ROS1: variants seen among roughly 807,000 people sequenced by gnomAD.
ROS1 encodes ROS proto-oncogene 1, receptor tyrosine kinase.
In ROS1, 263 loss-of-function variants were observed where a neutral mutation model predicts 273.5. That is an observed-to-expected ratio of 0.96 (90% confidence interval 0.87 to 1.06). The LOEUF is 1.06. Ranked by LOEUF, ROS1 falls within the 50% of genes least tolerant of loss-of-function variation. ROS1 has a pLI of 0.00. For missense variants in ROS1, 2,833 were observed against 2,751.1 expected, an observed-to-expected ratio of 1.03 and a Z score of -0.67; for synonymous variants, 1,008 against 954.1, an observed-to-expected ratio of 1.06 and a Z score of -1.04.
At position 117,404,360 on chromosome 6, in the gene ROS1, T is replaced by G. The variant is rs1177498366; in HGVS notation, c.385A>C (p.Lys129Gln). The G allele has an allele frequency of 6.2e-7, 1 of 1,614,068 alleles. No individual in the cohort carries two copies. The highest frequency in any genetic ancestry group is 8.5e-7 in the Non-Finnish European group (1 of 1,179,926). ...IGSHNMTLRW[K>Q]SANFSGVKYI... ...TTTACTCCAGAGAAGTTTGCAGATT[T>G]CCATCGTAATGTCATATTGTGGCTT... The change falls in exon 6 of 44, where the codon AAA becomes CAA. Residue 129 changes from lysine to glutamine, a missense_variant. By Grantham distance (53) the Lys-to-Gln change is moderately conservative. Transcript: ENST00000368507.
intron 42 of ROS1, 47 bp downstream of exon 42, chr6:117,308,747 C>T (rs201728488): frequency 4.6e-5 from 73 of 1,590,924 alleles, no homozygotes; most frequent in Non-Finnish European, 6.2e-5. Flanking sequence ...ATTGTATGTG[C>T]ACATGTTTTT....
intron 42 of ROS1, among the ~76,000 whole-genome samples, chr6:117,305,439 C>A (rs971824771): frequency 6.6e-6 from 1 of 152,154 alleles, no homozygotes; most frequent in Non-Finnish European, 1.5e-5. Flanking sequence ...ATAAAATCCA[C>A]TTAAGCAGAA....
chr6:117,422,528 T>C (rs1775834745), intron 1 of ROS1, among the ~76,000 whole-genome samples: 1 of 152,170 alleles, frequency 6.6e-6, no homozygotes, highest in African/African-American at 2.4e-5. Flanking sequence ...AATTTGTAAA[T>C]ATTTTATAAA....
intron 34 of ROS1, 55 bp from the exon 35 acceptor site, chr6:117,324,470 C>A (rs2128575417): frequency 1.2e-6 from 1 of 815,404 alleles, no homozygotes; most frequent in South Asian, 1.6e-5. Context: ...CTAAGTTGCC[C>A]CAGCTCTACC....
intron 38 of ROS1, among the ~76,000 whole-genome samples, chr6:117,317,581 T>C (rs1488372427): frequency 1.3e-5 from 2 of 152,120 alleles, no homozygotes; most frequent in East Asian, 1.9e-4. Flanking sequence ...TTTAAAAACA[T>C]TGGGTTTTGG....
chr6:117,311,211 A>C, intron 39 of ROS1, 94 bp from the exon 40 acceptor site: 1 of 594,694 alleles, frequency 1.7e-6, no homozygotes, highest in South Asian at 2.6e-5. Flanking sequence ...ATGTATATGC[A>C]TATGCATGTA....
At chr6:117,360,851 T>C (rs1332165484) in intron 22 of ROS1, among the ~76,000 whole-genome samples, 3 of 152,092 alleles carry the variant, frequency 2.0e-5, no homozygotes, top group Non-Finnish European at 4.4e-5. Flanking sequence ...CATAGAACAT[T>C]TAACAGAAAT....
intron 1 of ROS1, among the ~76,000 whole-genome samples, chr6:117,421,552 T>A (rs1775759990): frequency 6.6e-6 from 1 of 152,172 alleles, no homozygotes; most frequent in Non-Finnish European, 1.5e-5. Flanking sequence ...CTCCATAGAA[T>A]AATGGCCTCC....
intron 7 of ROS1, among the ~76,000 whole-genome samples, chr6:117,401,452 C>T (rs1416561551): frequency 1.3e-5 from 2 of 152,170 alleles, no homozygotes; most frequent in African/African-American, 4.8e-5. Context: ...ACTTTAAAAT[C>T]TATCATCATA....
At chr6:117,393,895 T>C (rs1773277358) in intron 11 of ROS1, among the ~76,000 whole-genome samples, 1 of 152,142 alleles carries the variant, frequency 6.6e-6, no homozygotes, top group Non-Finnish European at 1.5e-5. Context: ...CACTATCTTA[T>C]AGAAGATGAA....
Position 117,403,133 on chromosome 6 carries a change from C to G in ROS1, c.604+6G>C, listed in dbSNP as rs759593741. 5.0e-6 allele frequency: 8 copies of G among 1,613,636 alleles called. No homozygotes were observed. The East Asian group carries it at 1.8e-4, about 36-fold the overall frequency. On this transcript the variant is annotated splice_donor_region_variant and intron_variant, in intron 7 of 43. Transcript: ENST00000368507. ...TCCTTTCATAAGAAATGTGTGCACA[C>G]CATACCTCCATGAGGATGAGTCCTG...
At position 117,341,600 on chromosome 6, in the gene ROS1, C is replaced by T. The variant is rs2128622769; in HGVS notation, c.4684G>A (p.Val1562Met). The T allele has an allele frequency of 1.9e-6, 3 of 1,613,520 alleles. No homozygotes were observed. Among genetic ancestry groups the T allele is most frequent in the Non-Finnish European group, 2.5e-6 (3 of 1,179,614 alleles). The change falls in exon 30 of 44, where the codon GTG becomes ATG. Residue 1562 changes from valine (V) to methionine (M), a missense_variant. Coordinates refer to ENST00000368507, the MANE Select transcript of ROS1 (RefSeq NM_001378902.1). ...PEAVQLINTT[V>M]RSDTSLIISW... ...ATAATGAGGCTGGTGTCTGACCGCACAGTTGTATTAATGAGCTGCACTGCC... is the reference window on the plus strand; with the variant it reads ...ATAATGAGGCTGGTGTCTGACCGCATAGTTGTATTAATGAGCTGCACTGCC...
chr6:117,338,809 C>G (rs1777675171), intron 31 of ROS1, among the ~76,000 whole-genome samples: 1 of 152,008 alleles, frequency 6.6e-6, no homozygotes, highest in Non-Finnish European at 1.5e-5. Context: ...TCAGGACTTT[C>G]CATTTGTCAG....
intron 18 of ROS1, among the ~76,000 whole-genome samples, chr6:117,366,533 A>T (rs1780260897): frequency 6.6e-6 from 1 of 152,130 alleles, no homozygotes; most frequent in Non-Finnish European, 1.5e-5. Context: ...TGTTTCTTTG[A>T]GATGGAGTCT....
chr6:117,411,199 A>T (rs3798394), intron 4 of ROS1, among the ~76,000 whole-genome samples: 80,211 of 150,062 alleles, frequency 0.53, 22,169 homozygotes, highest in South Asian at 0.68. Context: ...CAAAGCTAAC[A>T]ACTACGTTTC....
intron 35 of ROS1, 39 bp from the exon 36 acceptor site, chr6:117,321,433 A>G: frequency 6.5e-7 from 1 of 1,536,200 alleles, no homozygotes; most frequent in Non-Finnish European, 8.8e-7. Flanking sequence ...AAAATAAAAT[A>G]TTGCTTCTTT....
At position 117,393,237 on chromosome 6, in the gene ROS1, C is replaced by T. The variant is rs2128710632; in HGVS notation, c.1276G>A (p.Asp426Asn). Residue 426 changes from aspartate (D) to asparagine (N), a missense_variant, in exon 12 of 44, where the codon GAT becomes AAT. Physicochemically the swap from Asp to Asn is conservative, Grantham distance 23. Transcript: ENST00000368507. ...SISAPQKIVA[D>N]SYNGYVFYLL... ...GCTAACACATACCCATTGTATGAAT[C>T]AGCCACAATTTTTTGAGGTGCACTA... is the stretch of plus-strand genomic sequence containing the variant. 6.3e-7 allele frequency: 1 copy of T among 1,594,780 alleles called. No homozygotes were observed. Among genetic ancestry groups the T allele is most frequent in the African/African-American group, 1.3e-5 (1 of 74,628 alleles).
chr6:117,400,781 T>C (rs1310216453), intron 7 of ROS1, among the ~76,000 whole-genome samples: 1 of 152,212 alleles, frequency 6.6e-6, no homozygotes, highest in Non-Finnish European at 1.5e-5. Flanking sequence ...TCTCCTTTTT[T>C]CAACCACATT....
chr6:117,350,652 C>T (rs923806352), intron 27 of ROS1, among the ~76,000 whole-genome samples: 5 of 150,726 alleles, frequency 3.3e-5, no homozygotes, highest in African/African-American at 1.2e-4. Flanking sequence ...TGTAGTTTCC[C>T]CACAGTTCTT....
Sources: allele counts gnomAD v4.1 joint callset (sites outside exome capture counted in the v4.1 genomes callset), GRCh38; gene constraint gnomAD v4.1.1; transcripts MANE v1.5; gene names NCBI Gene and HGNC (gene_info 2026-07-23, HGNC 2026-07-21).